Variants in GLT8D2 observed in about 807,000 individuals in gnomAD.
The protein encoded by GLT8D2 is glycosyltransferase 8 domain-containing protein 2.
GLT8D2 carries 45 observed loss-of-function variants against 44.5 expected under a neutral mutation model. The ratio of observed to expected loss-of-function variants is 1.01; its 90% CI spans 0.80 to 1.30. The LOEUF (loss-of-function observed/expected upper bound fraction) is 1.30, where lower values mean the gene tolerates loss of function less well. Ranked by LOEUF, GLT8D2 falls within the 50% of genes most tolerant of loss-of-function variation. GLT8D2 has a pLI of 0.00. For synonymous variants in GLT8D2, 156 were observed against 157.2 expected (o/e 0.99, Z 0.06); for missense variants, 400 against 430.4 (o/e 0.93, Z 0.62).
chr12:104,019,508 G>C, intron 3 of GLT8D2, 122 bp downstream of exon 3: 1 of 770,944 alleles, frequency 1.3e-6, no homozygotes, highest in Non-Finnish European at 2.1e-6. Flanking sequence ...AAGTGCCTGT[G>C]GGAAAACTAT....
intron 1 of GLT8D2, among the ~76,000 whole-genome samples, chr12:104,047,667 A>G (rs112731057): frequency 0.036 from 5,541 of 152,060 alleles, 344 homozygotes; most frequent in African/African-American, 0.13. Context: ...TCATGACCCA[A>G]CCACCTCCCA....
At chr12:104,041,745 C>T (rs1411348383) in intron 1 of GLT8D2, among the ~76,000 whole-genome samples, 1 of 152,154 alleles carries the variant, frequency 6.6e-6, no homozygotes, top group African/African-American at 2.4e-5. Context: ...GATAAGTCCC[C>T]AGTTAGTCCA....
chr12:104,006,773 T>A (rs887613357), intron 4 of GLT8D2, among the ~76,000 whole-genome samples: 1 of 152,222 alleles, frequency 6.6e-6, no homozygotes, highest in Admixed American at 6.5e-5. Flanking sequence ...TTCTAGCACA[T>A]AAGGCTGTGA....
intron 1 of GLT8D2, among the ~76,000 whole-genome samples, chr12:104,022,041 GAAGAAGAAGAAGAAGGGA>G: frequency 1.0e-5 from 1 of 95,376 alleles, no homozygotes; most frequent in African/African-American, 5.1e-5. Flanking sequence ...AGAAGAAGAA[GAAGAAGAAGAAGAAGGGA>G]AAGAAAGAAA....
chr12:104,022,606 A>G lies in GLT8D2; in HGVS notation c.-163-1115T>C, dbSNP rs529333751. ...CTCATATGGCCCTTGGCACTGATCA[A>G]TCAAAATGGGTACCAGCTATAAATG... On this transcript the variant is annotated intron_variant, in intron 1 of 10. Transcript: ENST00000360814. 4.6e-5 allele frequency among the ~76,000 whole-genome samples: 7 copies of G among 152,314 alleles called. No individual in the cohort carries two copies. The East Asian group carries it at 1.3e-3, about 29-fold the overall frequency.
intron 6 of GLT8D2, among the ~76,000 whole-genome samples, chr12:103,998,230 T>C (rs1210049359): frequency 7.3e-6 from 1 of 137,480 alleles, no homozygotes; most frequent in Admixed American, 7.1e-5. Context: ...AAAACACCAC[T>C]CTTTTTTTTT....
Position 103,997,957 on chromosome 12 carries a change from G to A in GLT8D2, c.403-422C>T, listed in dbSNP as rs1027737201. Among the ~76,000 whole-genome samples the A allele has an allele frequency of 1.1e-4, 14 of 127,220 alleles. No individual in the cohort carries two copies. In the East Asian group the frequency reaches 1.8e-3, roughly 16 times the overall value. 83.5% of individuals were successfully genotyped at this position (127,220 alleles called of 152,430 possible). A position where few individuals can be genotyped will look rare whatever the true frequency, so the allele number is the denominator to read the frequency against. ...CACACACACACACACACACACACAC[G>A]TGTGTCATTCCAACAGCAAGCTCAA... is the stretch of plus-strand genomic sequence containing the variant. On this transcript the variant is annotated intron_variant, in intron 6 of 10. Coordinates refer to ENST00000360814, the MANE Select transcript of GLT8D2 (RefSeq NM_001384711.1).
intron 2 of GLT8D2, among the ~76,000 whole-genome samples, chr12:104,020,476 C>T (rs548846080): frequency 6.6e-6 from 1 of 152,246 alleles, no homozygotes; most frequent in South Asian, 2.1e-4. Flanking sequence ...ACTAAAAGCC[C>T]AGCACTGTGC....
intron 5 of GLT8D2, 30 bp from the exon 6 acceptor site, chr12:103,999,544 A>G: frequency 7.8e-7 from 1 of 1,286,638 alleles, no homozygotes; most frequent in African/African-American, 1.5e-5. Context: ...AACCTCTAGT[A>G]TACCCTTCAA....
At chr12:104,056,766 A>G (rs1882213779) in intron 1 of GLT8D2, among the ~76,000 whole-genome samples, 1 of 152,242 alleles carries the variant, frequency 6.6e-6, no homozygotes, top group South Asian at 2.1e-4. Flanking sequence ...CAAAATTACT[A>G]TGTAAATAAC....
chr12:104,034,440 T>C (rs1350249268), intron 1 of GLT8D2, among the ~76,000 whole-genome samples: 1 of 152,252 alleles, frequency 6.6e-6, no homozygotes, highest in Admixed American at 6.5e-5. Flanking sequence ...CCCACCCAAA[T>C]ACTGCACTTT....
chr12:104,034,922 C>T (rs775874550), intron 1 of GLT8D2, among the ~76,000 whole-genome samples: 1 of 152,132 alleles, frequency 6.6e-6, no homozygotes, highest in Non-Finnish European at 1.5e-5. Context: ...AGGTGGGTGC[C>T]CCTCTGGGAC....
intron 1 of GLT8D2, among the ~76,000 whole-genome samples, chr12:104,038,920 T>C (rs113957661): frequency 0.017 from 2,607 of 152,086 alleles, 43 homozygotes; most frequent in Non-Finnish European, 0.028. Flanking sequence ...GTAACCAAAA[T>C]AGCATGGTAC....
At chr12:104,010,255 C>T (rs1035173108) in intron 4 of GLT8D2, among the ~76,000 whole-genome samples, 2 of 152,178 alleles carry the variant, frequency 1.3e-5, no homozygotes, top group African/African-American at 4.8e-5. Flanking sequence ...CCAGCCTCAC[C>T]TCCTTCTATT....
At chr12:104,052,502 G>A (rs1051232723), upstream of GLT8D2, among the ~76,000 whole-genome samples, 5 of 152,188 alleles carry the variant, frequency 3.3e-5, no homozygotes, top group Non-Finnish European at 5.9e-5. Context: ...CTTCTTAAGT[G>A]TTTCCTTCTT....
chr12:103,998,019 G>A (rs1038327927), intron 6 of GLT8D2, among the ~76,000 whole-genome samples: 1 of 151,852 alleles, frequency 6.6e-6, no homozygotes, highest in African/African-American at 2.4e-5. Flanking sequence ...GGAGCAGCAT[G>A]ACCTGTGGGT....
chr12:104,033,127 C>G (rs979472184), intron 1 of GLT8D2, among the ~76,000 whole-genome samples: 1 of 152,076 alleles, frequency 6.6e-6, no homozygotes, highest in Admixed American at 6.5e-5. Context: ...GGTGATCTGC[C>G]CACCTCAGCC....
At position 103,996,922 on chromosome 12, in the gene GLT8D2, C is replaced by T. The variant is rs1873508262; in HGVS notation, c.488-75G>A. ...GCTAGATAGAGCCTTAGAGCTTAAA[C>T]AGCTCTTGATTTTGCTATGGGAGAA... On this transcript the variant is annotated intron_variant, in intron 7 of 10. Transcript: ENST00000360814. The T allele has an allele frequency of 3.1e-6, 3 of 953,818 alleles. No homozygotes were observed. The Admixed American group carries it at 6.9e-5, about 22-fold the overall frequency. 59.1% of individuals were successfully genotyped at this position (953,818 alleles called of 1,614,324 possible).
chr12:104,023,355 A>G (rs1362588386), intron 1 of GLT8D2, among the ~76,000 whole-genome samples: 1 of 152,222 alleles, frequency 6.6e-6, no homozygotes, highest in Admixed American at 6.5e-5. Flanking sequence ...AGTATTTTCT[A>G]AATTCTTTAG....
Sources: allele counts gnomAD v4.1 joint callset (sites outside exome capture counted in the v4.1 genomes callset), GRCh38; gene constraint gnomAD v4.1.1; transcripts MANE v1.5; gene names NCBI Gene and HGNC (gene_info 2026-07-23, HGNC 2026-07-21).